The following KL variants were observed in gnomAD, a reference collection of about 807,000 sequenced individuals.
KL encodes the protein alpha-klotho.
In KL, 62 loss-of-function variants were observed where a neutral mutation model predicts 84.2. That is an observed-to-expected ratio of 0.74 (90% CI 0.60 to 0.91). The LOEUF (loss-of-function observed/expected upper bound fraction) is 0.91. Among genes scored for constraint, KL ranks in the 40% least tolerant of loss-of-function variants. The pLI is 0.00. For missense variants in KL, 1,261 were observed against 1,305.7 expected, an observed-to-expected ratio of 0.97 and a Z score of 0.53; for synonymous variants, 528 against 528.0, an observed-to-expected ratio of 1.00 and a Z score of 0.00.
chr13:33,046,559 G>T (rs146998759), intron 1 of KL, among the ~76,000 whole-genome samples: 1 of 151,456 alleles, frequency 6.6e-6, no homozygotes, highest in African/African-American at 2.4e-5. Context: ...GCTAAAGGTT[G>T]GTCTGTTTTG....
At chr13:33,024,289 A>G (rs1870677641) in intron 1 of KL, among the ~76,000 whole-genome samples, 1 of 152,184 alleles carries the variant, frequency 6.6e-6, no homozygotes, top group Non-Finnish European at 1.5e-5. Flanking sequence ...GGCAGGTGCA[A>G]TGTTGAATTC....
rs934542361 is a variant in KL at position 33,056,622 on chromosome 13, C to A, written c.1599+1307C>A. On this transcript the variant is annotated intron_variant, in intron 3 of 4. Transcript: ENST00000380099. ...CATCCTGAATAACACGGTGAAACCC[C>A]GTCTCTACTAAAAATACAAAAAAAA... is the stretch of plus-strand genomic sequence containing the variant. Among the ~76,000 whole-genome samples the A allele has an allele frequency of 5.2e-5, 7 of 135,838 alleles. 1 individual carries two copies. The South Asian group carries it at 1.5e-3, about 30-fold the overall frequency. 89.1% of individuals were successfully genotyped at this position (135,838 alleles called of 152,430 possible). A position where few individuals can be genotyped will look rare whatever the true frequency, so the allele number is the denominator to read the frequency against.
intron 1 of KL, among the ~76,000 whole-genome samples, chr13:33,038,917 G>A (rs1871237313): frequency 6.6e-6 from 1 of 152,134 alleles, no homozygotes; most frequent in African/African-American, 2.4e-5. Flanking sequence ...AAAAATTTGT[G>A]TTTTCTTATT....
At chr13:33,038,972 A>G (rs1871240331) in intron 1 of KL, among the ~76,000 whole-genome samples, 1 of 152,224 alleles carries the variant, frequency 6.6e-6, no homozygotes, top group Admixed American at 6.5e-5. Context: ...AGAAAATCAG[A>G]GAAGCAGAAG....
At position 33,053,429 on chromosome 13, in the gene KL, G is replaced by T. The variant is rs1214537848; in HGVS notation, c.820-338G>T. Among the ~76,000 whole-genome samples the T allele has an allele frequency of 3.3e-5, 5 of 152,246 alleles. No individual in the cohort carries two copies. In the East Asian group the frequency reaches 9.6e-4, roughly 29 times the overall value. On this transcript the variant is annotated intron_variant, in intron 1 of 4. Coordinates refer to ENST00000380099, the MANE Select transcript of KL (RefSeq NM_004795.4). Reference sequence around the variant, plus strand: ...TTTCATGAAACCCGTAAATTAAAAAGTACATAATCCAAAGTCAATTAAATA... The same window carrying T: ...TTTCATGAAACCCGTAAATTAAAAATTACATAATCCAAAGTCAATTAAATA...
Position 33,060,689 on chromosome 13 carries a change from C to A in KL, c.1610C>A (p.Thr537Asn), listed in dbSNP as rs151309147. The A allele has an allele frequency of 6.2e-7, 1 of 1,614,218 alleles. No homozygotes were observed. Among genetic ancestry groups the A allele is most frequent in the African/African-American group, 1.3e-5 (1 of 75,062 alleles). ...CTCTGCCCTTCACAGGTAGATACCA[C>A]TCTGTCTCAGTTTACCGACCTGAAT... Reference protein sequence around the residue: ...VVDNYIQVDTTLSQFTDLNVY... With the variant: ...VVDNYIQVDTNLSQFTDLNVY... Residue 537 changes from threonine to asparagine, a missense_variant, in exon 4 of 5, where the codon ACT becomes AAT. Coordinates refer to ENST00000380099, the MANE Select transcript of KL (RefSeq NM_004795.4).
At chr13:33,025,878 T>C (rs1168651575) in intron 1 of KL, among the ~76,000 whole-genome samples, 1 of 152,222 alleles carries the variant, frequency 6.6e-6, no homozygotes, top group East Asian at 1.9e-4. Flanking sequence ...TTTGGTAGTT[T>C]ATTTTCAAAC....
At chr13:33,042,813 C>T (rs1393386253) in intron 1 of KL, among the ~76,000 whole-genome samples, 3 of 152,120 alleles carry the variant, frequency 2.0e-5, no homozygotes, top group African/African-American at 4.8e-5. Flanking sequence ...TCCCGAGTAC[C>T]TGGGATTACA....
chr13:33,019,494 CCT>C (rs1870492059), intron 1 of KL, among the ~76,000 whole-genome samples: 2 of 152,022 alleles, frequency 1.3e-5, no homozygotes, highest in Non-Finnish European at 2.9e-5. Context: ...TCCCTCACTC[CCT>C]CTGTGTTTCC....
At chr13:33,037,870 G>A (rs1264805204) in intron 1 of KL, among the ~76,000 whole-genome samples, 1 of 151,826 alleles carries the variant, frequency 6.6e-6, no homozygotes, top group Non-Finnish European at 1.5e-5. Flanking sequence ...ATGTTCAGTG[G>A]AGCCCAACCC....
At chr13:33,037,936 A>G (rs1421198009) in intron 1 of KL, among the ~76,000 whole-genome samples, 1 of 152,150 alleles carries the variant, frequency 6.6e-6, no homozygotes, top group East Asian at 1.9e-4. Flanking sequence ...CTAATGCACC[A>G]TGCTCTTTTT....
intron 1 of KL, among the ~76,000 whole-genome samples, chr13:33,023,496 T>C (rs2138191959): frequency 6.6e-6 from 1 of 152,350 alleles, no homozygotes; most frequent in Non-Finnish European, 1.5e-5. Flanking sequence ...ATTATTTCAA[T>C]AGCATTTGAC....
At chr13:33,045,164 G>C (rs1446040391) in intron 1 of KL, among the ~76,000 whole-genome samples, 1 of 152,122 alleles carries the variant, frequency 6.6e-6, no homozygotes, top group Non-Finnish European at 1.5e-5. Flanking sequence ...CATTGCTATT[G>C]TACAGAAATA....
rs1352204193 is a variant in KL at position 33,064,140 on chromosome 13, C to G, written c.2993C>G (p.Ser998Cys). 6.2e-7 allele frequency: 1 copy of G among 1,612,750 alleles called. No individual in the cohort carries two copies. Among genetic ancestry groups the G allele is most frequent in the East Asian group, 2.2e-5 (1 of 44,894 alleles). ...TTTTTTGCTTCTATTATTTCTCTCTCCCTTATATTTTACTACTCGAAGAAA... is the reference window on the plus strand; with the variant it reads ...TTTTTTGCTTCTATTATTTCTCTCTGCCTTATATTTTACTACTCGAAGAAA... Reference protein sequence around the residue: ...FLFFASIISLSLIFYYSKKGR... With the variant: ...FLFFASIISLCLIFYYSKKGR... The change falls in exon 5 of 5, where the codon TCC (serine) becomes TGC (cysteine). Residue 998 changes from serine (S) to cysteine (C), a missense_variant. By Grantham distance (112) the Ser-to-Cys change is moderately radical (BLOSUM62 -1). Transcript: ENST00000380099.
rs142695155 is a variant in KL, at chr13:33,054,052, C to G, written c.1105C>G (p.Leu369Val). 9.1e-5 allele frequency: 147 copies of G among 1,612,476 alleles called. No individual in the cohort carries two copies. Among genetic ancestry groups the G allele is most frequent in the Non-Finnish European group, 1.4e-5 (17 of 1,179,100 alleles). Residue 369 changes from leucine to valine, a missense_variant, in exon 2 of 5, where the codon CTT (leucine) becomes GTT (valine). Transcript: ENST00000380099. ...CAAAGGAACTGCTGACTTTTTTGCT[C>G]TTTGCTTTGGACCCACCTTGAGTTT... ...FIKGTADFFA[L>V]CFGPTLSFQL...
At chr13:33,027,480 G>A (rs2138196846) in intron 1 of KL, among the ~76,000 whole-genome samples, 1 of 152,276 alleles carries the variant, frequency 6.6e-6, no homozygotes, top group South Asian at 2.1e-4. Context: ...CAGGTCCTAG[G>A]CCTGCTGCTA....
chr13:33,017,373 G>A (rs1386461945), intron 1 of KL, 114 bp downstream of exon 1: 1 of 976,876 alleles, frequency 1.0e-6, no homozygotes, highest in Non-Finnish European at 1.5e-6. Flanking sequence ...ACTTGGACAC[G>A]TGTATGTGGT....
chr13:33,021,381 T>C lies in KL; in HGVS notation c.819+4122T>C, dbSNP rs930354315. On this transcript the variant is annotated intron_variant, in intron 1 of 4. Transcript: ENST00000380099. ...AGTTAAAAGCTATCTGTAGTCACCA[T>C]GCAGCATTATGAAGAAGTTTTCAGA... Among the ~76,000 whole-genome samples, 26 of 152,210 alleles carry C rather than the reference T, an allele frequency of 1.7e-4. 1 individual carries two copies. The highest frequency in any genetic ancestry group is 5.9e-5 in the Non-Finnish European group (4 of 68,042).
At position 33,061,172 on chromosome 13, in the gene KL, G is replaced by A. The variant is rs1555335280; in HGVS notation, c.2093G>A (p.Ser698Asn). 6.2e-7 allele frequency: 1 copy of A among 1,614,268 alleles called. No homozygotes were observed. Among genetic ancestry groups the A allele is most frequent in the African/African-American group, 1.3e-5 (1 of 75,072 alleles). ...CCGTATACAAGGAATATGACATACA[G>A]TGCTGGCCACAACCTTCTGAAGGCC... ...NEPYTRNMTYSAGHNLLKAHA... is the reference protein window; with the variant it reads ...NEPYTRNMTYNAGHNLLKAHA... The change falls in exon 4 of 5, where the codon AGT becomes AAT. Residue 698 changes from serine to asparagine, a missense_variant. Ser to Asn is a conservative substitution (Grantham distance 46). Coordinates refer to ENST00000380099, the MANE Select transcript of KL (RefSeq NM_004795.4).
Sources: allele counts gnomAD v4.1 joint callset (sites outside exome capture counted in the v4.1 genomes callset), GRCh38; gene constraint gnomAD v4.1.1; transcripts MANE v1.5; gene names NCBI Gene and HGNC (gene_info 2026-07-23, HGNC 2026-07-21).